The following TRIM36 variants were observed in gnomAD, a reference collection of about 807,000 sequenced individuals.
TRIM36 encodes tripartite motif containing 36.
In TRIM36, 42 loss-of-function variants were observed where a neutral mutation model predicts 72.4. That is an observed-to-expected ratio of 0.58 (90% confidence interval 0.45 to 0.75). The LOEUF (loss-of-function observed/expected upper bound fraction) is 0.75. TRIM36 is among the 30% of genes least tolerant of loss of function. The probability of loss-of-function intolerance (pLI) is 0.00; values close to 1 mark genes in which losing one functional copy is unlikely to be tolerated. For missense variants in TRIM36, 913 were observed against 857.1 expected (o/e 1.07, Z -0.81); for synonymous variants, 315 against 282.8 (o/e 1.11, Z -1.14).
chr5:115,157,820 C>T (rs1256998638), intron 2 of TRIM36, among the ~76,000 whole-genome samples: 1 of 152,084 alleles, frequency 6.6e-6, no homozygotes, highest in South Asian at 2.1e-4. Flanking sequence ...ACAGTGACCT[C>T]GATGAGACTG....
At chr5:115,139,537 C>A (rs1753160037) in intron 5 of TRIM36, among the ~76,000 whole-genome samples, 1 of 152,186 alleles carries the variant, frequency 6.6e-6, no homozygotes, top group African/African-American at 2.4e-5. Context: ...GTTTCCTAAC[C>A]CCGACAGCCA....
At chr5:115,133,773 G>A (rs1752811183) in intron 8 of TRIM36, 87 bp downstream of exon 8, 1 of 1,355,834 alleles carries the variant, frequency 7.4e-7, no homozygotes. Flanking sequence ...TTCAGTGCAG[G>A]TCTACATGGA....
rs139185721 is a variant in TRIM36 at position 115,125,175 on chromosome 5, C to T, written c.*1328G>A. ...AACAGGCCTAAAAGTTTTGGTTACCCTGTTAAAACATGTCAAAAGCATTCC... is the reference window on the plus strand; with the variant it reads ...AACAGGCCTAAAAGTTTTGGTTACCTTGTTAAAACATGTCAAAAGCATTCC... On this transcript the variant is annotated 3_prime_UTR_variant, in exon 10 of 10. Transcript: ENST00000513154. 1.6e-3 allele frequency: 240 copies of T among 152,200 alleles called. 1 individual carries two copies. Among genetic ancestry groups the T allele is most frequent in the African/African-American group, 5.6e-3 (231 of 41,540 alleles). The allele number at this position is 152,200 out of a possible 1,614,324, so 9.4% of individuals were successfully genotyped here. A position where few individuals can be genotyped will look rare whatever the true frequency, so the allele number is the denominator to read the frequency against.
rs774456884 is a variant in TRIM36, at chr5:115,147,274, G to C, written c.383C>G (p.Thr128Ser). ...NGLFRNFTLE[T>S]IVERYRQAAR... ...TGCTTGACGATATCTTTCCACAATAGTTTCCAAAGTGAAGTTTCGAAACAG... is the reference window on the plus strand; with the variant it reads ...TGCTTGACGATATCTTTCCACAATACTTTCCAAAGTGAAGTTTCGAAACAG... Residue 128 changes from threonine to serine, a missense_variant, in exon 3 of 10, where the codon ACT (threonine) becomes AGT (serine). Physicochemically the swap from Thr to Ser is moderately conservative, Grantham distance 58 (BLOSUM62 1). Coordinates refer to ENST00000513154, the MANE Select transcript of TRIM36 (RefSeq NM_001300759.2). The C allele has an allele frequency of 6.2e-7, 1 of 1,614,140 alleles. No homozygotes were observed. Among genetic ancestry groups the C allele is most frequent in the African/African-American group, 1.3e-5 (1 of 75,030 alleles).
At chr5:115,134,919 C>A (rs1486942468) in intron 7 of TRIM36, among the ~76,000 whole-genome samples, 1 of 152,124 alleles carries the variant, frequency 6.6e-6, no homozygotes, top group African/African-American at 2.4e-5. Flanking sequence ...TAAATAAAAT[C>A]ATGGTACATA....
At chr5:115,156,283 C>G (rs928810962) in intron 2 of TRIM36, among the ~76,000 whole-genome samples, 6 of 151,692 alleles carry the variant, frequency 4.0e-5, no homozygotes, top group Non-Finnish European at 8.8e-5. Flanking sequence ...AAAATACCAC[C>G]ATCATTCATC....
chr5:115,141,636 A>C (rs1285018656), intron 4 of TRIM36, among the ~76,000 whole-genome samples: 1 of 152,218 alleles, frequency 6.6e-6, no homozygotes, highest in Non-Finnish European at 1.5e-5. Flanking sequence ...AAAACTTCTG[A>C]ATATAAAAAC....
chr5:115,137,603 C>T lies in TRIM36; in HGVS notation c.845G>A (p.Arg282Lys). The T allele has an allele frequency of 6.2e-7, 1 of 1,606,614 alleles. No homozygotes were observed. The highest frequency in any genetic ancestry group is 8.5e-7 in the Non-Finnish European group (1 of 1,177,234). Residue 282 changes from arginine (R) to lysine (K), a missense_variant, in exon 6 of 10, where the codon AGG becomes AAG. Physicochemically the swap from Arg to Lys is conservative, Grantham distance 26. Transcript: ENST00000513154. ...ATGTGTAATTGCTTCTTCTTTAGCC[C>T]TCTCTCCATTACACTAAGAAAAAAC... ...LMKETECNGERAKEEAITHFE... is the reference protein window; with the variant it reads ...LMKETECNGEKAKEEAITHFE...
intron 8 of TRIM36, among the ~76,000 whole-genome samples, chr5:115,131,491 T>C (rs1038892805): frequency 2.0e-5 from 3 of 152,322 alleles, no homozygotes. Context: ...AGAATGATGA[T>C]ACCACTCCCA....
At chr5:115,177,666 A>G in intron 1 of TRIM36, 1 of 1,602,446 alleles carries the variant, frequency 6.2e-7, no homozygotes, top group Non-Finnish European at 8.5e-7. Flanking sequence ...GTGGTAGGAA[A>G]TAAGCTTACG....
At chr5:115,159,989 T>A (rs1451658777) in intron 2 of TRIM36, among the ~76,000 whole-genome samples, 4 of 151,846 alleles carry the variant, frequency 2.6e-5, no homozygotes, top group African/African-American at 7.3e-5. Context: ...ATCTTTTGTT[T>A]GACTTTTTAC....
At chr5:115,175,853 G>T (rs12657105) in intron 1 of TRIM36, among the ~76,000 whole-genome samples, 1 of 151,972 alleles carries the variant, frequency 6.6e-6, no homozygotes, top group African/African-American at 2.4e-5. Flanking sequence ...GGCCGGATGC[G>T]GTGGCTCACC....
At chr5:115,131,281 A>G (rs1752662647) in intron 8 of TRIM36, among the ~76,000 whole-genome samples, 1 of 152,176 alleles carries the variant, frequency 6.6e-6, no homozygotes, top group Admixed American at 6.5e-5. Context: ...TTTCTTATTG[A>G]AAGTTTTGTT....
intron 1 of TRIM36, chr5:115,169,180 C>T: frequency 6.0e-6 from 1 of 165,432 alleles, no homozygotes. Flanking sequence ...CTGGCCCAGG[C>T]GGCGGCAGCC....
exon 1 of TRIM36, chr5:115,180,086 T>C: frequency 6.4e-7 from 1 of 1,569,182 alleles, no homozygotes; most frequent in Non-Finnish European, 8.8e-7. Flanking sequence ...GTGTATCGAA[T>C]TTGTCCTTTC....
chr5:115,126,910 C>T, intron 9 of TRIM36, 53 bp from the exon 10 acceptor site: 3 of 1,506,740 alleles, frequency 2.0e-6, no homozygotes, highest in Non-Finnish European at 2.7e-6. Context: ...TAAGTATCTT[C>T]AAAACATTTT....
At chr5:115,151,673 T>G (rs544264480) in intron 2 of TRIM36, among the ~76,000 whole-genome samples, 2 of 152,180 alleles carry the variant, frequency 1.3e-5, no homozygotes, top group East Asian at 3.9e-4. Context: ...GTGGTATCCA[T>G]GGCTGAAAGA....
At chr5:115,147,858 C>A (rs369066855) in intron 2 of TRIM36, among the ~76,000 whole-genome samples, 1 of 152,136 alleles carries the variant, frequency 6.6e-6, no homozygotes, top group African/African-American at 2.4e-5. Context: ...TGAAGAGGCC[C>A]AGGCAGATCC....
Position 115,137,569 on chromosome 5 carries a change from C to T in TRIM36, c.879G>A (p.Lys293=). The change falls in exon 6 of 10, where the codon AAG becomes AAA. Residue 293 remains lysine (K), a synonymous_variant. Coordinates refer to ENST00000513154, the MANE Select transcript of TRIM36 (RefSeq NM_001300759.2). ...TCCTCTCTTCCAGAACTTCAAAGAG[C>T]TTTTCAAAATGTGTAATTGCTTCTT... is the stretch of plus-strand genomic sequence containing the variant. ...AKEEAITHFE[K]LFEVLEERKS... The T allele has an allele frequency of 1.9e-6, 3 of 1,613,424 alleles. No individual in the cohort carries two copies. The highest frequency in any genetic ancestry group is 2.7e-5 in the African/African-American group (2 of 74,966).
Sources: allele counts gnomAD v4.1 joint callset (sites outside exome capture counted in the v4.1 genomes callset), GRCh38; gene constraint gnomAD v4.1.1; transcripts MANE v1.5; gene names NCBI Gene and HGNC (gene_info 2026-07-23, HGNC 2026-07-21).